CNTN5: variants seen among roughly 807,000 people sequenced by gnomAD.
The protein encoded by CNTN5 is contactin-5.
CNTN5 carries 77 observed loss-of-function variants against 129.1 expected under a neutral mutation model. That is an observed-to-expected ratio of 0.60 (90% CI 0.50 to 0.72). The LOEUF is 0.72. Ranked by LOEUF, CNTN5 falls within the 30% of genes least tolerant of loss-of-function variation. CNTN5 has a pLI of 0.00. For missense variants in CNTN5, 1,478 were observed against 1,328.8 expected, an observed-to-expected ratio of 1.11 and a Z score of -1.75; for synonymous variants, 509 against 465.6, an observed-to-expected ratio of 1.09 and a Z score of -1.20.
At chr11:100,217,724 T>C (rs906663182) in intron 15 of CNTN5, among the ~76,000 whole-genome samples, 1 of 152,178 alleles carries the variant, frequency 6.6e-6, no homozygotes, top group African/African-American at 2.4e-5. Flanking sequence ...GCTAAAATCT[T>C]CTTACCTACC....
chr11:100,059,957 C>G (rs1943394368), intron 9 of CNTN5, among the ~76,000 whole-genome samples: 1 of 151,924 alleles, frequency 6.6e-6, no homozygotes, highest in Admixed American at 6.6e-5. Flanking sequence ...GCCTGTAATC[C>G]CAGCACTTTG....
intron 3 of CNTN5, among the ~76,000 whole-genome samples, chr11:99,645,820 G>C (rs1951940507): frequency 6.6e-6 from 1 of 151,660 alleles, no homozygotes; most frequent in South Asian, 2.1e-4. Context: ...AGGGGAGCGA[G>C]AGCATTAGGA....
chr11:99,210,095 G>A lies in CNTN5; in HGVS notation c.-209-115251G>A, dbSNP rs531253696. Among the ~76,000 whole-genome samples the A allele has an allele frequency of 1.5e-4, 23 of 152,242 alleles. No individual in the cohort carries two copies. In the South Asian group the frequency reaches 4.8e-3, roughly 32 times the overall value. ...AAAAGACAATAATGTCTTTTAGAAA[G>A]GTTTTAGATTTGCCATGTTCAATTA... On this transcript the variant is annotated intron_variant, in intron 1 of 24. Coordinates refer to ENST00000524871, the MANE Select transcript of CNTN5 (RefSeq NM_014361.4).
chr11:99,984,852 C>T (rs1010026691), intron 8 of CNTN5, among the ~76,000 whole-genome samples: 13 of 152,168 alleles, frequency 8.5e-5, no homozygotes, highest in Non-Finnish European at 1.6e-4. Context: ...TATTTCATGA[C>T]CGCTTTGTCA....
chr11:99,717,808 A>G (rs768772869), intron 3 of CNTN5, among the ~76,000 whole-genome samples: 2 of 152,096 alleles, frequency 1.3e-5, no homozygotes, highest in Non-Finnish European at 2.9e-5. Flanking sequence ...TACTTTAAAT[A>G]TTATTCTGAA....
chr11:100,234,172 A>G (rs1949552258), intron 16 of CNTN5, among the ~76,000 whole-genome samples: 1 of 152,198 alleles, frequency 6.6e-6, no homozygotes, highest in East Asian at 1.9e-4. Context: ...ATGGAGAAAC[A>G]GGGACACTTT....
chr11:99,790,058 T>G (rs550914255), intron 3 of CNTN5, among the ~76,000 whole-genome samples: 1 of 152,234 alleles, frequency 6.6e-6, no homozygotes, highest in Admixed American at 6.5e-5. Flanking sequence ...GTTAATTCAC[T>G]TAAGATAATG....
At chr11:99,625,333 G>T (rs1429306841) in intron 3 of CNTN5, among the ~76,000 whole-genome samples, 1 of 152,110 alleles carries the variant, frequency 6.6e-6, no homozygotes, top group Non-Finnish European at 1.5e-5. Flanking sequence ...CAAAGCAATT[G>T]TGTTTCAGAG....
chr11:99,845,130 C>T lies in CNTN5; in HGVS notation c.445C>T (p.Arg149Cys), dbSNP rs757785890. 1.4e-5 allele frequency: 23 copies of T among 1,613,524 alleles called. No individual in the cohort carries two copies. Among genetic ancestry groups the T allele is most frequent in the Admixed American group, 1.0e-4 (6 of 59,964 alleles). ...GTEIDLESDY[R>C]YSLIDGTFII... is the part of the protein sequence containing the mutation. ...AGAAATAGATCTGGAAAGTGATTATCGCTACAGTTTGATAGATGGCACCTT... is the reference window on the plus strand; with the variant it reads ...AGAAATAGATCTGGAAAGTGATTATTGCTACAGTTTGATAGATGGCACCTT... The change falls in exon 6 of 25, where the codon CGC becomes TGC. Residue 149 changes from arginine to cysteine, a missense_variant. Arg to Cys is a radical substitution (Grantham distance 180). Transcript: ENST00000524871.
At chr11:99,323,754 C>T (rs374624281) in intron 1 of CNTN5, among the ~76,000 whole-genome samples, 56 of 152,160 alleles carry the variant, frequency 3.7e-4, no homozygotes, top group African/African-American at 1.1e-3. Context: ...ACTATCATTC[C>T]GCCTAAGTTT....
chr11:99,466,896 A>G (rs923235340), intron 2 of CNTN5, among the ~76,000 whole-genome samples: 2 of 152,130 alleles, frequency 1.3e-5, no homozygotes, highest in East Asian at 1.9e-4. Flanking sequence ...AGCACATTCT[A>G]TTGGCCGGAA....
intron 24 of CNTN5, among the ~76,000 whole-genome samples, chr11:100,352,265 T>G (rs1952434533): frequency 6.6e-6 from 1 of 151,648 alleles, no homozygotes; most frequent in African/African-American, 2.4e-5. Flanking sequence ...ACTTGATAAG[T>G]TCTCACATGA....
intron 18 of CNTN5, among the ~76,000 whole-genome samples, chr11:100,283,188 C>T (rs1196060365): frequency 6.6e-6 from 1 of 152,178 alleles, no homozygotes; most frequent in Non-Finnish European, 1.5e-5. Flanking sequence ...GTAGTGGGTT[C>T]CTTTCTTGCC....
At chr11:100,338,387 CAGCACCCTT>C (rs1310214125) in intron 21 of CNTN5, among the ~76,000 whole-genome samples, 2 of 152,198 alleles carry the variant, frequency 1.3e-5, no homozygotes, top group African/African-American at 4.8e-5. Context: ...CAGAGTATAG[CAGCACCCTT>C]AGCACCCTTA....
At chr11:99,142,319 C>G (rs75877469) in intron 1 of CNTN5, among the ~76,000 whole-genome samples, 1 of 78,326 alleles carries the variant, frequency 1.3e-5, no homozygotes, top group Admixed American at 1.3e-4. Flanking sequence ...GTGGCGAGGT[C>G]TGTGTGTGCT....
chr11:100,340,522 G>A lies in CNTN5; in HGVS notation c.2790G>A (p.Gly930=). The part of the protein sequence containing the change: ...EDTAETVKTR[G]NESFVILTGL... ...CAGCAGAAACAGTCAAAACTAGAGG[G>A]AATGAGTCTTTCGTCATCCTAACAG... is the stretch of plus-strand genomic sequence containing the variant. Residue 930 remains glycine (G), a synonymous_variant, in exon 22 of 25, where the codon GGG becomes GGA. Coordinates refer to ENST00000524871, the MANE Select transcript of CNTN5 (RefSeq NM_014361.4). 1 of 1,613,154 alleles carries A rather than the reference G, an allele frequency of 6.2e-7. No individual in the cohort carries two copies.
chr11:100,074,366 T>C, intron 13 of CNTN5, 72 bp downstream of exon 13: 1 of 1,270,404 alleles, frequency 7.9e-7, no homozygotes, highest in Non-Finnish European at 1.1e-6. Context: ...ACACAAACTA[T>C]GCAAGAAAGA....
intron 6 of CNTN5, among the ~76,000 whole-genome samples, chr11:99,846,550 T>TA (rs774642637): frequency 5.9e-5 from 9 of 152,000 alleles, no homozygotes; most frequent in Non-Finnish European, 1.2e-4. Context: ...ATAGAATCTC[T>TA]AAAAAATACT....
intron 3 of CNTN5, among the ~76,000 whole-genome samples, chr11:99,752,658 A>G (rs766008870): frequency 6.6e-6 from 1 of 152,222 alleles, no homozygotes; most frequent in Non-Finnish European, 1.5e-5. Flanking sequence ...TTTATTATTT[A>G]TAGTTTTCTA....
Sources: gnomAD v4.1 joint callset for allele counts (sites outside exome capture counted in the v4.1 genomes callset) on GRCh38, gnomAD v4.1.1 for gene constraint, MANE v1.5 for transcripts, NCBI Gene and HGNC (gene_info 2026-07-23, HGNC 2026-07-21) for gene names.